Variants in ARHGAP6 observed in about 807,000 individuals in gnomAD.
ARHGAP6 encodes the protein Rho GTPase activating protein 6, also known as rho GTPase-activating protein 6.
A neutral mutation model predicts 55.7 loss-of-function variants in ARHGAP6; 16 were observed. That is an observed-to-expected ratio of 0.29 (90% CI 0.19 to 0.44). The LOEUF is 0.44. ARHGAP6 is among the 20% of genes least tolerant of loss of function. ARHGAP6 has a pLI of 1.00. For missense variants in ARHGAP6, 698 were observed against 808.9 expected, an observed-to-expected ratio of 0.86 and a Z score of 1.66; for synonymous variants, 382 against 360.9, an observed-to-expected ratio of 1.06 and a Z score of -0.66.
In ARHGAP6 at chrX:11,174,566, C is replaced by T. The variant is rs1356959731; in HGVS notation, c.1629+3534G>A. 5.5e-3 allele frequency among the ~76,000 whole-genome samples: 429 copies of T among 77,358 alleles called. 10 individuals carry two copies. The highest frequency in any genetic ancestry group is 0.014 in the African/African-American group (257 of 18,055). 67.2% of individuals were successfully genotyped at this position (77,358 alleles called of 115,157 possible). On this transcript the variant is annotated intron_variant, in intron 8 of 12. Transcript: ENST00000337414. Reference sequence around the variant, plus strand: ...CCTTCCTTCCTTCCTTCCTTCCTTCCTTCCTTCCTTTCTTTCTTTCTTTCT... The same window carrying T: ...CCTTCCTTCCTTCCTTCCTTCCTTCTTTCCTTCCTTTCTTTCTTTCTTTCT...
intron 1 of ARHGAP6, among the ~76,000 whole-genome samples, chrX:11,509,813 C>T (rs1232107848): frequency 9.0e-6 from 1 of 111,621 alleles, no homozygotes; most frequent in Non-Finnish European, 1.9e-5. Flanking sequence ...AGGAATGTGG[C>T]TAAAGGCAAG....
chrX:11,426,401 C>T (rs1449147299), intron 1 of ARHGAP6, among the ~76,000 whole-genome samples: 1 of 109,984 alleles, frequency 9.1e-6, no homozygotes, highest in Admixed American at 9.7e-5. Context: ...TTGGAAGACA[C>T]GAATTCCAGA....
intron 8 of ARHGAP6, among the ~76,000 whole-genome samples, chrX:11,171,523 T>C (rs138038277): frequency 1.2e-4 from 13 of 112,423 alleles, no homozygotes; most frequent in African/African-American, 3.9e-4. Context: ...TTTTCTGTTA[T>C]TATAAGCAAT....
intron 1 of ARHGAP6, among the ~76,000 whole-genome samples, chrX:11,473,579 G>C (rs1181446534): frequency 1.8e-5 from 2 of 111,392 alleles, no homozygotes; most frequent in Non-Finnish European, 3.8e-5. Context: ...GGAACATCAA[G>C]GATTGCCAGG....
At position 11,470,779 on chromosome X, in the gene ARHGAP6, C is replaced by T. The variant is rs757800778; in HGVS notation, c.588+193462G>A. ...CAGGGGTAGCTTCACAGGCATGAAACCAGGCAGTGGCTCAGGGCTTCACAG... is the reference window on the plus strand; with the variant it reads ...CAGGGGTAGCTTCACAGGCATGAAATCAGGCAGTGGCTCAGGGCTTCACAG... On this transcript the variant is annotated intron_variant, in intron 1 of 12. Coordinates refer to ENST00000337414, the MANE Select transcript of ARHGAP6 (RefSeq NM_013427.3). 6.7e-4 allele frequency among the ~76,000 whole-genome samples: 75 copies of T among 112,001 alleles called. 1 individual carries two copies. The highest frequency in any genetic ancestry group is 1.2e-3 in the Non-Finnish European group (63 of 53,198).
intron 1 of ARHGAP6, among the ~76,000 whole-genome samples, chrX:11,320,776 C>CAT (rs1569299511): frequency 1.0e-5 from 1 of 99,589 alleles, no homozygotes; most frequent in Non-Finnish European, 2.0e-5. Flanking sequence ...TACACACACA[C>CAT]ACACACACAC....
At chrX:11,513,534 A>T (rs1368091020) in intron 1 of ARHGAP6, among the ~76,000 whole-genome samples, 1 of 111,665 alleles carries the variant, frequency 9.0e-6, no homozygotes, top group Admixed American at 9.5e-5. Flanking sequence ...TCTCTTGCTA[A>T]GCCCTCTGTC....
chrX:11,306,565 C>T (rs1368580478), intron 1 of ARHGAP6, among the ~76,000 whole-genome samples: 1 of 112,633 alleles, frequency 8.9e-6, no homozygotes, highest in African/African-American at 3.2e-5. Context: ...AGAATTGTCT[C>T]TATCACCAAT....
chrX:11,372,902 C>T (rs1282774564), intron 1 of ARHGAP6, among the ~76,000 whole-genome samples: 1 of 108,990 alleles, frequency 9.2e-6, no homozygotes, highest in Non-Finnish European at 1.9e-5. Flanking sequence ...AAAAGCCAAC[C>T]ACAATTAATA....
intron 3 of ARHGAP6, among the ~76,000 whole-genome samples, chrX:11,190,776 A>T (rs1176343458): frequency 2.7e-5 from 3 of 111,232 alleles, no homozygotes; most frequent in African/African-American, 9.8e-5. Flanking sequence ...ATTTTTTTCC[A>T]TCTAAGGAAA....
chrX:11,578,947 G>A (rs1184741289), intron 1 of ARHGAP6, among the ~76,000 whole-genome samples: 3 of 104,162 alleles, frequency 2.9e-5, no homozygotes, highest in East Asian at 3.1e-4. Context: ...ACCAAACAAC[G>A]CATGTTTTCA....
At chrX:11,646,331 A>G (rs2052526505) in intron 1 of ARHGAP6, among the ~76,000 whole-genome samples, 1 of 111,641 alleles carries the variant, frequency 9.0e-6, no homozygotes, top group African/African-American at 3.3e-5. Flanking sequence ...GCCAAACCAT[A>G]TCACCCAGCA....
intron 8 of ARHGAP6, 104 bp downstream of exon 8, chrX:11,177,996 G>C: frequency 9.9e-7 from 1 of 1,012,169 alleles, no homozygotes; most frequent in Non-Finnish European, 1.4e-6. Context: ...TTGGAGAAGG[G>C]GAGACATCAT....
rs1382580003 is a variant in ARHGAP6 at position 11,138,037 on chromosome X, A to T, written c.*826T>A. 2.7e-5 allele frequency: 3 copies of T among 111,886 alleles called. No individual in the cohort carries two copies. Among genetic ancestry groups the T allele is most frequent in the Admixed American group, 1.9e-4 (2 of 10,559 alleles). The allele number at this position is 111,886 out of a possible 1,213,427, so 9.2% of individuals were successfully genotyped here. On this transcript the variant is annotated 3_prime_UTR_variant, in exon 13 of 13. Transcript: ENST00000337414. ...TTTGAAAAATACATAAAAATTATAC[A>T]TTATAAATATATATTATATATGGCC...
intron 11 of ARHGAP6, chrX:11,143,309 C>G (rs2045645248): frequency 8.8e-6 from 1 of 113,706 alleles, no homozygotes; most frequent in African/African-American, 3.2e-5. Flanking sequence ...GATTACACAG[C>G]AAGTATTATC....
At chrX:11,517,507 A>G (rs2050854644) in intron 1 of ARHGAP6, among the ~76,000 whole-genome samples, 1 of 111,354 alleles carries the variant, frequency 9.0e-6, no homozygotes, top group South Asian at 3.8e-4. Context: ...TTCCACTTCC[A>G]TAGGTTCAAC....
chrX:11,592,426 C>G (rs1035628954), intron 1 of ARHGAP6, among the ~76,000 whole-genome samples: 5 of 111,679 alleles, frequency 4.5e-5, no homozygotes, highest in African/African-American at 1.6e-4. Flanking sequence ...TACCCAGGAA[C>G]TGATGTGCAC....
intron 2 of ARHGAP6, among the ~76,000 whole-genome samples, chrX:11,208,285 CA>C (rs1260666764): frequency 1.8e-5 from 2 of 110,465 alleles, no homozygotes; most frequent in Admixed American, 9.7e-5. Context: ...GAGGAGCCAC[CA>C]GGGGGGAATT....
chrX:11,352,202 G>C (rs1266051137), intron 1 of ARHGAP6, among the ~76,000 whole-genome samples: 8 of 112,177 alleles, frequency 7.1e-5, no homozygotes, highest in Non-Finnish European at 1.5e-4. Context: ...TTTGGTAAAA[G>C]TTGATGAAAT....
Sources: allele counts gnomAD v4.1 joint callset (sites outside exome capture counted in the v4.1 genomes callset), GRCh38; gene constraint gnomAD v4.1.1; transcripts MANE v1.5; gene names NCBI Gene and HGNC (gene_info 2026-07-23, HGNC 2026-07-21).